CCSER1: variants seen among roughly 807,000 people sequenced by gnomAD.
CCSER1 encodes serine-rich coiled-coil domain-containing protein 1.
Under a neutral mutation model 82.0 loss-of-function variants are expected in CCSER1, and 41 were observed. The ratio of observed to expected loss-of-function variants is 0.50; its 90% CI spans 0.39 to 0.65. The LOEUF is 0.65. CCSER1 is among the 30% of genes least tolerant of loss of function. The probability of loss-of-function intolerance (pLI) is 0.00; values close to 1 mark genes in which losing one functional copy is unlikely to be tolerated. For missense variants in CCSER1, 1,119 were observed against 1,064.2 expected (o/e 1.05, Z -0.72); for synonymous variants, 414 against 383.9 (o/e 1.08, Z -0.92).
intron 9 of CCSER1, among the ~76,000 whole-genome samples, chr4:90,947,457 C>T (rs903405191): frequency 6.6e-6 from 1 of 152,090 alleles, no homozygotes; most frequent in South Asian, 2.1e-4. Context: ...ATTATTTACA[C>T]CATATTCTCC....
intron 10 of CCSER1, among the ~76,000 whole-genome samples, chr4:91,176,228 C>A (rs1022673229): frequency 3.9e-5 from 6 of 152,094 alleles, no homozygotes; most frequent in African/African-American, 1.4e-4. Flanking sequence ...TTACTGTAGT[C>A]TTGCAGTACA....
At chr4:91,039,055 G>T (rs2150572956) in intron 9 of CCSER1, among the ~76,000 whole-genome samples, 1 of 152,028 alleles carries the variant, frequency 6.6e-6, no homozygotes, top group South Asian at 2.1e-4. Context: ...TTTAAAACAG[G>T]GTCTCACTCT....
chr4:90,514,437 A>C (rs981082977), intron 5 of CCSER1, among the ~76,000 whole-genome samples: 1 of 152,210 alleles, frequency 6.6e-6, no homozygotes, highest in Non-Finnish European at 1.5e-5. Context: ...TTATAGCTAT[A>C]GAATGCTATG....
chr4:91,328,992 C>T (rs1252305083), intron 10 of CCSER1, among the ~76,000 whole-genome samples: 1 of 152,122 alleles, frequency 6.6e-6, no homozygotes, highest in Non-Finnish European at 1.5e-5. Context: ...CTTTGCTCCT[C>T]ATTTGCCTTC....
chr4:90,489,650 C>T (rs1767653987), intron 5 of CCSER1, among the ~76,000 whole-genome samples: 1 of 152,084 alleles, frequency 6.6e-6, no homozygotes, highest in South Asian at 2.1e-4. Flanking sequence ...AGGTATATTT[C>T]CTAACGATAT....
intron 10 of CCSER1, among the ~76,000 whole-genome samples, chr4:91,111,393 G>A (rs1000666381): frequency 6.6e-6 from 1 of 151,782 alleles, no homozygotes; most frequent in African/African-American, 2.4e-5. Flanking sequence ...ATTGTTAAAT[G>A]GTATTTAAAC....
chr4:91,121,409 GT>G (rs1727078202), intron 10 of CCSER1, among the ~76,000 whole-genome samples: 1 of 151,814 alleles, frequency 6.6e-6, no homozygotes, highest in East Asian at 1.9e-4. Flanking sequence ...TATCTACTGT[GT>G]AAGGAAAAGA....
intron 10 of CCSER1, among the ~76,000 whole-genome samples, chr4:91,205,529 A>G (rs899261133): frequency 2.0e-5 from 3 of 151,746 alleles, no homozygotes; most frequent in Non-Finnish European, 3.0e-5. Flanking sequence ...ATGATGGGAC[A>G]TTGAAGAGAG....
At chr4:90,561,068 A>C (rs1467472147) in intron 5 of CCSER1, among the ~76,000 whole-genome samples, 1 of 152,188 alleles carries the variant, frequency 6.6e-6, no homozygotes, top group African/African-American at 2.4e-5. Context: ...CACTGCTATA[A>C]AAATAGCAGA....
At chr4:91,179,056 A>G (rs190001780) in intron 10 of CCSER1, among the ~76,000 whole-genome samples, 304 of 152,236 alleles carry the variant, frequency 2.0e-3, no homozygotes, top group African/African-American at 6.8e-3. Flanking sequence ...TCCTTCTTTT[A>G]TGAAGCTTAG....
At chr4:91,546,560 A>C (rs2110210905) in intron 10 of CCSER1, among the ~76,000 whole-genome samples, 1 of 152,122 alleles carries the variant, frequency 6.6e-6, no homozygotes, top group East Asian at 1.9e-4. Context: ...TTATCATTGT[A>C]ATGTTTATGT....
intron 8 of CCSER1, among the ~76,000 whole-genome samples, chr4:90,825,213 C>T (rs1409059985): frequency 6.6e-6 from 1 of 152,090 alleles, no homozygotes; most frequent in African/African-American, 2.4e-5. Context: ...GGTGTTTTAC[C>T]TTTAAGGCAT....
chr4:91,547,052 C>T (rs1169152381), intron 10 of CCSER1, among the ~76,000 whole-genome samples: 1 of 148,296 alleles, frequency 6.7e-6, no homozygotes, highest in Non-Finnish European at 1.5e-5. Context: ...TTAAGCTATC[C>T]TTCTGTTACT....
At chr4:90,576,463 A>G (rs1241235435) in intron 5 of CCSER1, among the ~76,000 whole-genome samples, 1 of 152,182 alleles carries the variant, frequency 6.6e-6, no homozygotes, top group Non-Finnish European at 1.5e-5. Flanking sequence ...TGTATCTACC[A>G]TTGTACTAAC....
At chr4:91,588,248 A>T (rs1486007801) in intron 10 of CCSER1, among the ~76,000 whole-genome samples, 1 of 151,530 alleles carries the variant, frequency 6.6e-6, no homozygotes, top group Non-Finnish European at 1.5e-5. Flanking sequence ...CAGCTTTTCA[A>T]AAAGAAAAAA....
chr4:91,154,158 C>G (rs1316406652), intron 10 of CCSER1, among the ~76,000 whole-genome samples: 1 of 152,014 alleles, frequency 6.6e-6, no homozygotes, highest in Non-Finnish European at 1.5e-5. Flanking sequence ...TGGGCTCCAC[C>G]CAGTTGAAGC....
chr4:90,423,974 C>T (rs1757136125), intron 4 of CCSER1, among the ~76,000 whole-genome samples: 2 of 150,856 alleles, frequency 1.3e-5, no homozygotes, highest in Non-Finnish European at 3.0e-5. Flanking sequence ...GCCTGTAGTA[C>T]CAGCTACTCG....
chr4:91,565,027 TGTGTGTG>T (rs1762820416), intron 10 of CCSER1, among the ~76,000 whole-genome samples: 2 of 186 alleles, frequency 0.011, no homozygotes, highest in East Asian at 0.05. Context: ...CACCTTGAGT[TGTGTGTG>T]TGTGTGTGTG....
chr4:90,968,110 G>A lies in CCSER1; in HGVS notation c.2172+44663G>A, dbSNP rs972091608. ...CTCACAGATAACATGAGAACAGTAG[G>A]TGTAAGTATCCTGCAGATATTTAAG... On this transcript the variant is annotated intron_variant, in intron 9 of 10. Transcript: ENST00000509176. Among the ~76,000 whole-genome samples the A allele has an allele frequency of 2.6e-4, 39 of 151,914 alleles. 1 individual carries two copies. The highest frequency in any genetic ancestry group is 8.7e-4 in the African/African-American group (36 of 41,356).
Sources: gnomAD v4.1 joint callset for allele counts (sites outside exome capture counted in the v4.1 genomes callset) on GRCh38, gnomAD v4.1.1 for gene constraint, MANE v1.5 for transcripts, NCBI Gene and HGNC (gene_info 2026-07-23, HGNC 2026-07-21) for gene names.